Variants in TBC1D15 observed in about 807,000 individuals in gnomAD.
The protein encoded by TBC1D15 is TBC1 domain family member 15, also known as GAP for RAB7.
TBC1D15 carries 39 observed loss-of-function variants against 95.4 expected under a neutral mutation model. The observed-to-expected ratio is 0.41, with a 90% CI of 0.32 to 0.53. TBC1D15 has a LOEUF of 0.53. Among genes scored for constraint, TBC1D15 ranks in the 20% least tolerant of loss-of-function variants. The probability of loss-of-function intolerance (pLI) is 0.29; values close to 1 mark genes in which losing one functional copy is unlikely to be tolerated. For synonymous variants in TBC1D15, 258 were observed against 261.3 expected, an observed-to-expected ratio of 0.99 and a Z score of 0.12; for missense variants, 733 against 794.3, an observed-to-expected ratio of 0.92 and a Z score of 0.93.
chr12:71,910,933 AC>A (rs1902105394), intron 11 of TBC1D15, among the ~76,000 whole-genome samples: 1 of 152,146 alleles, frequency 6.6e-6, no homozygotes, highest in Admixed American at 6.6e-5. Flanking sequence ...ACAAGAAAAA[AC>A]AAACAACCCC....
chr12:71,920,902 C>T, intron 15 of TBC1D15, 55 bp downstream of exon 15: 1 of 1,251,478 alleles, frequency 8.0e-7, no homozygotes, highest in Non-Finnish European at 1.1e-6. Context: ...TTTGGTGGTC[C>T]TGATATACAG....
rs374617443 is a variant in TBC1D15 at position 71,876,689 on chromosome 12, TTTTTG to T, written c.204+3701_204+3705del. Among the ~76,000 whole-genome samples the T allele has an allele frequency of 6.1e-3, 925 of 152,302 alleles. 4 individuals are homozygous for T. The highest frequency in any genetic ancestry group is 0.021 in the African/African-American group (889 of 41,572). On this transcript the variant is annotated intron_variant, in intron 3 of 16. Coordinates refer to ENST00000485960, the MANE Select transcript of TBC1D15 (RefSeq NM_001146213.3). ...TGCATGGGAACAAAAACATTTCTTT[TTTTTG>T]TTTTGTTTTGTTTTTGTTTTTAAAG... is the stretch of plus-strand genomic sequence containing the variant.
chr12:71,849,444 T>C, intron 1 of TBC1D15: 1 of 1,075,340 alleles, frequency 9.3e-7, no homozygotes, highest in South Asian at 1.3e-5. Flanking sequence ...TCCATGGGCC[T>C]CTTCAAGGGA....
chr12:71,848,978 G>A (rs6582058), intron 1 of TBC1D15, among the ~76,000 whole-genome samples: 16,638 of 152,064 alleles, frequency 0.11, 1,074 homozygotes, highest in African/African-American at 0.16. Context: ...TTTAAAGTTT[G>A]CAGGAAATAG....
At chr12:71,874,240 A>G (rs891035902) in intron 3 of TBC1D15, among the ~76,000 whole-genome samples, 1 of 152,212 alleles carries the variant, frequency 6.6e-6, no homozygotes, top group African/African-American at 2.4e-5. Context: ...AATGGGAGTT[A>G]GGATGTTAAT....
chr12:71,879,904 T>C lies in TBC1D15; in HGVS notation c.205-565T>C, dbSNP rs551534621. 1.4e-4 allele frequency among the ~76,000 whole-genome samples: 21 copies of C among 152,346 alleles called. No individual in the cohort carries two copies. In the East Asian group the frequency reaches 2.7e-3, roughly 20 times the overall value. Reference sequence around the variant, plus strand: ...TGTCTTTTGTTGTATAGAAATTAAATTTTTGATTTACTCAAACCATATTGC... The same window carrying C: ...TGTCTTTTGTTGTATAGAAATTAAACTTTTGATTTACTCAAACCATATTGC... On this transcript the variant is annotated intron_variant, in intron 3 of 16. Transcript: ENST00000485960.
At chr12:71,913,212 A>C (rs1336566491) in intron 11 of TBC1D15, 1 of 152,128 alleles carries the variant, frequency 6.6e-6, no homozygotes, top group African/African-American at 2.4e-5. Context: ...AGAGTAACAA[A>C]AAAAGAAAGA....
At chr12:71,898,493 A>G (rs902613200) in intron 10 of TBC1D15, among the ~76,000 whole-genome samples, 1 of 152,144 alleles carries the variant, frequency 6.6e-6, no homozygotes, top group Non-Finnish European at 1.5e-5. Context: ...ATTCTCTAAA[A>G]CACAGAGATG....
chr12:71,842,236 A>C (rs1049220519), intron 1 of TBC1D15, among the ~76,000 whole-genome samples: 1 of 152,216 alleles, frequency 6.6e-6, no homozygotes, highest in Non-Finnish European at 1.5e-5. Context: ...GTAGGGAAGC[A>C]GCAAAAGGTA....
At chr12:71,913,736 AT>A in intron 11 of TBC1D15, 89 bp from the exon 12 acceptor site, 1 of 815,090 alleles carries the variant, frequency 1.2e-6, no homozygotes, top group South Asian at 1.6e-5. Flanking sequence ...GAAAGATACA[AT>A]TTTAAGCGAA....
At chr12:71,878,083 C>T (rs550774926) in intron 3 of TBC1D15, among the ~76,000 whole-genome samples, 2 of 152,114 alleles carry the variant, frequency 1.3e-5, no homozygotes, top group Non-Finnish European at 2.9e-5. Context: ...GTAGATTTGA[C>T]AAGAATCTGC....
intron 12 of TBC1D15, among the ~76,000 whole-genome samples, chr12:71,915,492 T>C (rs1331718637): frequency 6.6e-6 from 1 of 150,872 alleles, no homozygotes; most frequent in East Asian, 1.9e-4. Context: ...ATACTGCATT[T>C]AGTATCATGC....
intron 10 of TBC1D15, among the ~76,000 whole-genome samples, chr12:71,898,700 G>A (rs961112018): frequency 4.6e-5 from 7 of 152,044 alleles, no homozygotes; most frequent in Admixed American, 1.3e-4. Context: ...TTCCTATATT[G>A]TATCTGGATT....
intron 11 of TBC1D15, among the ~76,000 whole-genome samples, chr12:71,911,556 A>G (rs1182989958): frequency 7.0e-6 from 1 of 143,244 alleles, no homozygotes; most frequent in Non-Finnish European, 1.5e-5. Flanking sequence ...TCTCACTTAT[A>G]GGTGGGAATT....
At chr12:71,895,876 T>C in intron 7 of TBC1D15, 71 bp from the exon 8 acceptor site, 1 of 1,424,086 alleles carries the variant, frequency 7.0e-7, no homozygotes, top group Non-Finnish European at 9.5e-7. Flanking sequence ...ATTTTAAATT[T>C]AGTTTCTATA....
Position 71,872,991 on chromosome 12 carries a change from C to T in TBC1D15, c.192C>T (p.Leu64=). 6.2e-7 allele frequency: 1 copy of T among 1,604,696 alleles called. No individual in the cohort carries two copies. Among genetic ancestry groups the T allele is most frequent in the East Asian group, 2.2e-5 (1 of 44,668 alleles). Reference sequence around the variant, plus strand: ...ATGCATTAGATTCCTCTAGTATTCTCTATGCTAGAAAGGTATTTAAGAAAA... The same window carrying T: ...ATGCATTAGATTCCTCTAGTATTCTTTATGCTAGAAAGGTATTTAAGAAAA... ...LDDALDSSSI[L]YARKDSSSVV... The change falls in exon 3 of 17, where the codon CTC becomes CTT. Residue 64 remains leucine (L), a synonymous_variant. Coordinates refer to ENST00000485960, the MANE Select transcript of TBC1D15 (RefSeq NM_001146213.3).
chr12:71,840,991 A>G (rs530821231), intron 1 of TBC1D15: 17 of 152,352 alleles, frequency 1.1e-4, no homozygotes, highest in African/African-American at 4.1e-4. Context: ...AAAAAAACAT[A>G]AAATTACACA....
intron 1 of TBC1D15, among the ~76,000 whole-genome samples, chr12:71,848,098 G>A (rs528336035): frequency 6.6e-6 from 1 of 152,184 alleles, no homozygotes; most frequent in Non-Finnish European, 1.5e-5. Context: ...ACTCTGTCTC[G>A]AAAAAATAAT....
intron 11 of TBC1D15, among the ~76,000 whole-genome samples, chr12:71,912,537 G>A (rs775998886): frequency 1.3e-5 from 2 of 152,080 alleles, no homozygotes; most frequent in Non-Finnish European, 2.9e-5. Context: ...TCTGTCTGTT[G>A]TGTGTTTGAT....
Sources: gnomAD v4.1 joint callset for allele counts (sites outside exome capture counted in the v4.1 genomes callset) on GRCh38, gnomAD v4.1.1 for gene constraint, MANE v1.5 for transcripts, NCBI Gene and HGNC (gene_info 2026-07-23, HGNC 2026-07-21) for gene names.